The following DLGAP2 variants were observed in gnomAD, a reference collection of about 807,000 sequenced individuals.
DLGAP2 encodes the protein disks large-associated protein 2.
In DLGAP2, 26 loss-of-function variants were observed where a neutral mutation model predicts 100.3. That is an observed-to-expected ratio of 0.26 (90% CI 0.19 to 0.36). The LOEUF is 0.36. Ranked by LOEUF, DLGAP2 falls within the 10% of genes least tolerant of loss-of-function variation. The pLI is 1.00. For synonymous variants in DLGAP2, 886 were observed against 630.1 expected, an observed-to-expected ratio of 1.41 and a Z score of -6.08; for missense variants, 1,858 against 1,453.2, an observed-to-expected ratio of 1.28 and a Z score of -4.53.
chr8:1,085,789 T>A (rs1803955460), intron 2 of DLGAP2, among the ~76,000 whole-genome samples: 1 of 152,236 alleles, frequency 6.6e-6, no homozygotes, highest in Non-Finnish European at 1.5e-5. Context: ...GAATTGTTTT[T>A]TCTGTATCTA....
intron 3 of DLGAP2, among the ~76,000 whole-genome samples, chr8:1,458,143 T>A (rs1262037454): frequency 6.6e-6 from 1 of 151,452 alleles, no homozygotes; most frequent in Non-Finnish European, 1.5e-5. Context: ...CCTGACCTCG[T>A]GATCCACCCG....
intron 7 of DLGAP2, among the ~76,000 whole-genome samples, chr8:1,627,875 T>C (rs1283228883): frequency 6.6e-6 from 1 of 151,824 alleles, no homozygotes; most frequent in East Asian, 1.9e-4. Flanking sequence ...TCTGACTTAC[T>C]GTGGAGCAGG....
intron 3 of DLGAP2, among the ~76,000 whole-genome samples, chr8:1,433,738 CTTTTTTTT>C (rs3052055): frequency 8.1e-6 from 1 of 124,218 alleles, no homozygotes; most frequent in African/African-American, 3.1e-5. Context: ...GCAAAACTGG[CTTTTTTTT>C]TTTTTTTTTT....
chr8:1,437,472 C>T (rs907481683), intron 3 of DLGAP2, among the ~76,000 whole-genome samples: 10 of 152,158 alleles, frequency 6.6e-5, no homozygotes, highest in South Asian at 2.1e-4. Context: ...TTCGGTGAAG[C>T]GCTATTTTAC....
intron 2 of DLGAP2, among the ~76,000 whole-genome samples, chr8:1,186,439 T>G (rs1336503206): frequency 1.3e-5 from 2 of 152,212 alleles, no homozygotes; most frequent in Non-Finnish European, 1.5e-5. Flanking sequence ...CAGCCCGCTG[T>G]GCAGCGAGTT....
chr8:1,220,158 T>G (rs1047824372), intron 2 of DLGAP2, among the ~76,000 whole-genome samples: 1 of 152,132 alleles, frequency 6.6e-6, no homozygotes. Flanking sequence ...ACCTTTGGGT[T>G]AGGTTTGCTC....
intron 1 of DLGAP2, among the ~76,000 whole-genome samples, chr8:903,917 C>T (rs1798319166): frequency 6.6e-6 from 1 of 152,336 alleles, no homozygotes; most frequent in African/African-American, 2.4e-5. Flanking sequence ...CGTCAGGGAC[C>T]CTCTGTTCCC....
chr8:1,582,941 C>T (rs1795991857), intron 6 of DLGAP2, among the ~76,000 whole-genome samples: 1 of 152,064 alleles, frequency 6.6e-6, no homozygotes, highest in Non-Finnish European at 1.5e-5. Context: ...GGCTGCATGT[C>T]TCGGTTTTGG....
Position 1,185,733 on chromosome 8 carries a change from T to TCACA in DLGAP2, c.74-73108_74-73105dup, listed in dbSNP as rs77585255. Among the ~76,000 whole-genome samples, 393 of 139,320 alleles carry TCACA rather than the reference T, an allele frequency of 2.8e-3. 1 individual carries two copies. Among genetic ancestry groups the TCACA allele is most frequent in the African/African-American group, 8.2e-3 (266 of 32,522 alleles). The allele number at this position is 139,320 out of a possible 152,430, so 91.4% of individuals were successfully genotyped here. ...CTCACACACACACACACACTCACACTCACACACACACACTCACACACATTC... is the reference window on the plus strand; with the variant it reads ...CTCACACACACACACACACTCACACTCACACACACACACACACTCACACACATTC... On this transcript the variant is annotated intron_variant, in intron 2 of 14. Transcript: ENST00000637795.
chr8:1,118,157 G>T (rs1331813391), intron 2 of DLGAP2, among the ~76,000 whole-genome samples: 1 of 152,176 alleles, frequency 6.6e-6, no homozygotes, highest in African/African-American at 2.4e-5. Context: ...TTCAGAAAGT[G>T]CTTTAATGGC....
At chr8:1,204,869 C>T (rs562701252) in intron 2 of DLGAP2, among the ~76,000 whole-genome samples, 1 of 152,214 alleles carries the variant, frequency 6.6e-6, no homozygotes, top group Non-Finnish European at 1.5e-5. Context: ...TGAACACCGG[C>T]CCTCTCCAGA....
At chr8:984,506 C>G (rs554499939) in intron 2 of DLGAP2, among the ~76,000 whole-genome samples, 3 of 152,168 alleles carry the variant, frequency 2.0e-5, no homozygotes, top group African/African-American at 7.2e-5. Context: ...GTCAGCTTGG[C>G]CCACGCTCCT....
At chr8:1,370,303 T>G (rs1459311222) in intron 3 of DLGAP2, among the ~76,000 whole-genome samples, 1 of 152,042 alleles carries the variant, frequency 6.6e-6, no homozygotes, top group Non-Finnish European at 1.5e-5. Context: ...TCGGCAGCAG[T>G]CACACGGCGT....
intron 2 of DLGAP2, among the ~76,000 whole-genome samples, chr8:1,160,658 A>C (rs1245848815): frequency 6.6e-6 from 1 of 152,186 alleles, no homozygotes; most frequent in Admixed American, 6.5e-5. Flanking sequence ...GTTTTTACTT[A>C]AATGTGTGTG....
intron 2 of DLGAP2, among the ~76,000 whole-genome samples, chr8:1,217,326 T>A (rs1335653005): frequency 4.6e-5 from 7 of 152,184 alleles, no homozygotes; most frequent in Admixed American, 4.6e-4. Flanking sequence ...CCATCATGCA[T>A]ATGCACCACA....
chr8:1,671,614 G>T lies in DLGAP2; in HGVS notation c.2202+1830G>T, dbSNP rs530844947. Among the ~76,000 whole-genome samples, 3 of 152,288 alleles carry T rather than the reference G, an allele frequency of 2.0e-5. No individual in the cohort carries two copies. In the South Asian group the frequency reaches 6.2e-4, roughly 32 times the overall value. On this transcript the variant is annotated intron_variant, in intron 10 of 14. Coordinates refer to ENST00000637795, the MANE Select transcript of DLGAP2 (RefSeq NM_001346810.2). Reference sequence around the variant, plus strand: ...TTTTACTATCAGGGTTTGAATTCAGGATTCTCATTATAATTACTGGGCTAC... The same window carrying T: ...TTTTACTATCAGGGTTTGAATTCAGTATTCTCATTATAATTACTGGGCTAC...
At chr8:915,548 A>G (rs920597086) in intron 2 of DLGAP2, among the ~76,000 whole-genome samples, 1 of 53,022 alleles carries the variant, frequency 1.9e-5, no homozygotes, top group Non-Finnish European at 4.7e-5. Flanking sequence ...CTCCATCTCT[A>G]AAAAAAAAAA....
intron 6 of DLGAP2, among the ~76,000 whole-genome samples, chr8:1,615,099 G>T (rs573901261): frequency 2.0e-5 from 3 of 152,270 alleles, no homozygotes; most frequent in Non-Finnish European, 4.4e-5. Context: ...AAGAGGTGGG[G>T]GTCAGAACAG....
At chr8:1,103,749 G>A (rs112813636) in intron 2 of DLGAP2, among the ~76,000 whole-genome samples, 1 of 133,744 alleles carries the variant, frequency 7.5e-6, no homozygotes, top group African/African-American at 2.8e-5. Context: ...TTGGTTGACG[G>A]TGATGACTGG....
Sources: gnomAD v4.1 joint callset for allele counts (sites outside exome capture counted in the v4.1 genomes callset) on GRCh38, gnomAD v4.1.1 for gene constraint, MANE v1.5 for transcripts, NCBI Gene and HGNC (gene_info 2026-07-23, HGNC 2026-07-21) for gene names.